Variants in PCGF3 observed in about 807,000 individuals in gnomAD.
PCGF3 encodes the protein polycomb group RING finger protein 3.
In PCGF3, 7 loss-of-function variants were observed where a neutral mutation model predicts 33.1. The observed-to-expected ratio is 0.21, with a 90% CI of 0.12 to 0.40. PCGF3 has a LOEUF of 0.40. PCGF3 is among the 10% of genes least tolerant of loss of function. PCGF3 has a pLI of 1.00. For missense variants in PCGF3, 211 were observed against 313.3 expected, an observed-to-expected ratio of 0.67 and a Z score of 2.46; for synonymous variants, 153 against 121.3, an observed-to-expected ratio of 1.26 and a Z score of -1.72.
At chr4:716,241 G>A (rs574206702) in intron 1 of PCGF3, among the ~76,000 whole-genome samples, 8 of 115,032 alleles carry the variant, frequency 7.0e-5, no homozygotes, top group African/African-American at 2.6e-4. Flanking sequence ...TCTAGACACT[G>A]TGAGTGTGAG....
At chr4:755,709 G>A (rs1161260733) in intron 8 of PCGF3, among the ~76,000 whole-genome samples, 1 of 152,052 alleles carries the variant, frequency 6.6e-6, no homozygotes, top group Non-Finnish European at 1.5e-5. Context: ...GAATGGACAA[G>A]GTGGAGTTCA....
intron 1 of PCGF3, among the ~76,000 whole-genome samples, chr4:707,835 C>A (rs181681419): frequency 5.5e-4 from 47 of 84,996 alleles, no homozygotes; most frequent in Non-Finnish European, 9.2e-4. Context: ...CCCTGTTTTC[C>A]CCTGGGGGTC....
intron 9 of PCGF3, chr4:761,961 G>A (rs4690307): frequency 0.28 from 275,591 of 985,258 alleles, 39,784 homozygotes; most frequent in Middle Eastern, 0.36. Flanking sequence ...CATGGGTCTG[G>A]TGTCGTTTTT....
At chr4:734,225 C>G in intron 4 of PCGF3, 1 of 1,507,924 alleles carries the variant, frequency 6.6e-7, no homozygotes, top group African/African-American at 1.4e-5. Context: ...TGGGGCTGGA[C>G]CTGAGTGTTT....
At chr4:761,947 G>GA in intron 9 of PCGF3, 2 of 985,410 alleles carry the variant, frequency 2.0e-6, no homozygotes. Flanking sequence ...GCTGTGGGCA[G>GA]GAGCATGGGT....
chr4:716,082 G>A (rs1348156524), intron 1 of PCGF3, among the ~76,000 whole-genome samples: 1 of 145,190 alleles, frequency 6.9e-6, no homozygotes, highest in Non-Finnish European at 1.5e-5. Flanking sequence ...TGTGAGAACC[G>A]GGCATCGGTG....
At chr4:762,934 C>G (rs1008171363) in intron 9 of PCGF3, 1 of 152,202 alleles carries the variant, frequency 6.6e-6, no homozygotes, top group African/African-American at 2.4e-5. Flanking sequence ...CCTGGGGCTG[C>G]TCGGTTTGGG....
exon 11 of PCGF3, chr4:766,829 C>T (rs534092481): frequency 1.2e-4 from 18 of 152,328 alleles, no homozygotes; most frequent in African/African-American, 3.6e-4. Context: ...GACCAGAGGC[C>T]GTGTGACCAG....
intron 9 of PCGF3, 38 bp downstream of exon 9, chr4:761,454 C>T (rs754440442): frequency 1.8e-5 from 28 of 1,531,260 alleles, no homozygotes; most frequent in Non-Finnish European, 2.4e-5. Flanking sequence ...ATAACAAGTC[C>T]TCTCTTATTT....
intron 7 of PCGF3, 132 bp from the exon 8 acceptor site, chr4:744,468 C>G: frequency 1.4e-6 from 1 of 694,218 alleles, no homozygotes; most frequent in Non-Finnish European, 2.5e-6. Flanking sequence ...TCCTTTGACG[C>G]TTACTCCGCT....
intron 1 of PCGF3, among the ~76,000 whole-genome samples, chr4:715,298 G>A (rs866725641): frequency 6.9e-6 from 1 of 144,744 alleles, no homozygotes; most frequent in African/African-American, 2.5e-5. Context: ...AGAACTGGGA[G>A]TCGGTGCTGG....
At chr4:731,367 G>A (rs1401059887) in intron 3 of PCGF3, 4 of 397,718 alleles carry the variant, frequency 1.0e-5, no homozygotes, top group Non-Finnish European at 8.9e-6. Context: ...TTGGGTTCCC[G>A]GCGTGTCGCT....
At chr4:709,680 C>T (rs1019765116) in intron 1 of PCGF3, among the ~76,000 whole-genome samples, 1 of 152,222 alleles carries the variant, frequency 6.6e-6, no homozygotes, top group African/African-American at 2.4e-5. Context: ...AAACTCTGAG[C>T]TATCTAGACT....
At chr4:752,615 G>A (rs1183936592) in intron 8 of PCGF3, among the ~76,000 whole-genome samples, 1 of 152,196 alleles carries the variant, frequency 6.6e-6, no homozygotes, top group African/African-American at 2.4e-5. Context: ...CCCTGAGCTG[G>A]GGTCCTGAGT....
intron 4 of PCGF3, chr4:734,247 G>C: frequency 6.7e-7 from 1 of 1,487,526 alleles, no homozygotes; most frequent in Non-Finnish European, 9.0e-7. Context: ...TCTAAGTGTG[G>C]CTACCGCTGA....
chr4:764,136 T>C (rs965780787), intron 9 of PCGF3, among the ~76,000 whole-genome samples: 2 of 151,920 alleles, frequency 1.3e-5, no homozygotes, highest in East Asian at 1.9e-4. Flanking sequence ...TGACATCCGC[T>C]CTGGACTCGG....
At chr4:707,711 A>G (rs28507182) in intron 1 of PCGF3, among the ~76,000 whole-genome samples, 4,144 of 66,292 alleles carry the variant, frequency 0.063, 245 homozygotes, top group Non-Finnish European at 0.083. Flanking sequence ...CGGGACCCTG[A>G]GACAGCTCTG....
At chr4:707,927 G>A (rs148095704) in intron 1 of PCGF3, among the ~76,000 whole-genome samples, 7 of 94,734 alleles carry the variant, frequency 7.4e-5, no homozygotes, top group African/African-American at 1.8e-4. Context: ...CGGGACCCTG[G>A]GACAGCCCTG....
At chr4:744,743 C>G in intron 8 of PCGF3, 55 bp downstream of exon 8, 1 of 425,184 alleles carries the variant, frequency 2.4e-6, no homozygotes, top group Non-Finnish European at 4.2e-6. Context: ...GAGGCGTGAG[C>G]AGGTGGGCGG....
Sources: gnomAD v4.1 joint callset for allele counts (sites outside exome capture counted in the v4.1 genomes callset) on GRCh38, gnomAD v4.1.1 for gene constraint, MANE v1.5 for transcripts, NCBI Gene and HGNC (gene_info 2026-07-23, HGNC 2026-07-21) for gene names.